GPRC5B: variants seen among roughly 807,000 people sequenced by gnomAD.
The protein encoded by GPRC5B is G protein-coupled receptor family C group 5 member B.
In GPRC5B, 16 loss-of-function variants were observed where a neutral mutation model predicts 30.1. The observed-to-expected ratio is 0.53, with a 90% confidence interval of 0.36 to 0.81. The LOEUF (loss-of-function observed/expected upper bound fraction) is 0.81. Among genes scored for constraint, GPRC5B ranks in the 30% least tolerant of loss-of-function variants. The pLI, the probability that GPRC5B is intolerant of heterozygous loss-of-function variation, is 0.01. For synonymous variants in GPRC5B, 241 were observed against 239.5 expected (o/e 1.01, Z -0.06); for missense variants, 428 against 544.7 (o/e 0.79, Z 2.13).
chr16:19,884,577 C>T (rs11649617), intron 1 of GPRC5B, 150 bp downstream of exon 1: 133,818 of 459,220 alleles, frequency 0.29, 21,218 homozygotes, highest in Non-Finnish European at 0.32. Context: ...GATTCCACAT[C>T]TCCCCCAGCA....
intron 1 of GPRC5B, among the ~76,000 whole-genome samples, chr16:19,884,508 C>G (rs2056835742): frequency 6.7e-6 from 1 of 148,344 alleles, no homozygotes; most frequent in South Asian, 2.2e-4. Flanking sequence ...CAGATCCTCC[C>G]CTCCCCCGCC....
In GPRC5B at chr16:19,872,277, C is replaced by G. The variant is rs139950795; in HGVS notation, c.569G>C (p.Arg190Thr). 1 of 1,613,894 alleles carries G rather than the reference C, an allele frequency of 6.2e-7. No individual in the cohort carries two copies. The highest frequency in any genetic ancestry group is 1.3e-5 in the African/African-American group (1 of 74,914). The change falls in exon 2 of 4, where the codon AGG becomes ACG. Residue 190 changes from arginine to threonine, a missense_variant. Arg to Thr is a moderately conservative substitution (Grantham distance 71). Coordinates refer to ENST00000300571, the MANE Select transcript of GPRC5B (RefSeq NM_016235.3). This position sits in a 1 kb window ranked among gnomAD's most constrained non-coding sequence, Gnocchi z 5.0. ...WLVLTVLRDT[R>T]PACAYEPMDF... is the part of the protein sequence containing the mutation. ...CATGGGCTCGTAGGCGCAGGCTGGC[C>G]TTGTGTCACGCAGCACGGTGAGCAC...
At chr16:19,873,957 A>G (rs1460544190) in intron 1 of GPRC5B, among the ~76,000 whole-genome samples, 2 of 151,828 alleles carry the variant, frequency 1.3e-5, no homozygotes, top group Admixed American at 1.3e-4. Context: ...ATTTTTTTGT[A>G]TTTCTAGTAG....
At chr16:19,878,020 G>A (rs1455254720) in intron 1 of GPRC5B, among the ~76,000 whole-genome samples, 1 of 151,980 alleles carries the variant, frequency 6.6e-6, no homozygotes, top group Non-Finnish European at 1.5e-5. Flanking sequence ...CCAACATGGT[G>A]AAACCCCGTT....
In GPRC5B at chr16:19,861,889, C is replaced by T. The variant is rs770444643; in HGVS notation, c.1115G>A (p.Arg372Lys). The T allele has an allele frequency of 1.4e-5, 23 of 1,613,646 alleles. No homozygotes were observed. The highest frequency in any genetic ancestry group is 1.7e-4 in the Middle Eastern group (1 of 5,934). Residue 372 changes from arginine to lysine, a missense_variant, in exon 3 of 4, where the codon AGA becomes AAA. Arg to Lys is a conservative substitution (Grantham distance 26). Around this residue, in one of 3 missense-constraint regions of GPRC5B, gnomAD observed 213 missense variants for 229.1 expected, o/e 0.93. Coordinates refer to ENST00000300571, the MANE Select transcript of GPRC5B (RefSeq NM_016235.3). ...SLGKRPSAPF[R>K]SNVYQPTEMA... is the part of the protein sequence containing the mutation. ...CTCAGTTGGCTGATACACGTTGCTT[C>T]TAAACGGAGCGCTGGGTCTTTTCCC...
intron 1 of GPRC5B, among the ~76,000 whole-genome samples, chr16:19,874,191 C>T (rs1266475144): frequency 6.6e-6 from 1 of 152,188 alleles, no homozygotes; most frequent in Non-Finnish European, 1.5e-5. Context: ...CCCTGGGAAA[C>T]CTGCAGAATT....
intron 1 of GPRC5B, among the ~76,000 whole-genome samples, chr16:19,873,126 G>A (rs2056736413): frequency 6.6e-6 from 1 of 152,064 alleles, no homozygotes; most frequent in African/African-American, 2.4e-5. Flanking sequence ...ATACCCTTTT[G>A]TATTCTTTGA....
At chr16:19,869,099 C>A (rs1224393366) in intron 2 of GPRC5B, among the ~76,000 whole-genome samples, 1 of 152,062 alleles carries the variant, frequency 6.6e-6, no homozygotes, top group Non-Finnish European at 1.5e-5. Flanking sequence ...GAGGCCAAGG[C>A]AGGCGGATCA....
At chr16:19,864,911 A>ATTT (rs1163249399) in intron 2 of GPRC5B, among the ~76,000 whole-genome samples, 8 of 126,048 alleles carry the variant, frequency 6.3e-5, no homozygotes, top group Non-Finnish European at 9.9e-5. Flanking sequence ...GCCCGGTCTC[A>ATTT]TTTTTTTTTT....
chr16:19,885,441 C>G (rs1393172659), upstream of GPRC5B: 7 of 1,138,380 alleles, frequency 6.1e-6, no homozygotes, highest in African/African-American at 3.3e-5. This position sits in a 1 kb window ranked among gnomAD's most constrained non-coding sequence, Gnocchi z 5.3. Context: ...ACACTCTTCT[C>G]TCTCCTCACT....
At chr16:19,865,746 T>C (rs1047907798) in intron 2 of GPRC5B, among the ~76,000 whole-genome samples, 6 of 152,102 alleles carry the variant, frequency 3.9e-5, no homozygotes, top group Non-Finnish European at 7.4e-5. Context: ...CAGCTGAAGA[T>C]TAAAAAAAGG....
upstream of GPRC5B, chr16:19,885,287 A>G (rs1249322579): frequency 7.8e-7 from 1 of 1,275,460 alleles, no homozygotes; most frequent in Non-Finnish European, 1.0e-6. The surrounding 1 kb of genome is among the most constrained non-coding windows in gnomAD (Gnocchi z 5.3). Flanking sequence ...CATAAGCAGT[A>G]ACTTCCCCGA....
In GPRC5B at chr16:19,884,848, C is replaced by A; in HGVS notation, c.-123G>T. On this transcript the variant is annotated 5_prime_UTR_variant, in exon 1 of 4. Coordinates refer to ENST00000300571, the MANE Select transcript of GPRC5B (RefSeq NM_016235.3). ...GCCTGCGGGTCCAGCTTCACTGCAG[C>A]GCCTGCCAGAGTCGCTGCCGCGCGA... 1.0e-6 allele frequency: 1 copy of A among 983,244 alleles called. No individual in the cohort carries two copies. The highest frequency in any genetic ancestry group is 1.2e-6 in the Non-Finnish European group (1 of 829,266). 60.9% of individuals were successfully genotyped at this position (983,244 alleles called of 1,614,324 possible).
At chr16:19,870,566 G>A (rs1375899607) in intron 2 of GPRC5B, among the ~76,000 whole-genome samples, 3 of 152,204 alleles carry the variant, frequency 2.0e-5, no homozygotes, top group South Asian at 2.1e-4. Flanking sequence ...AAATTTGAAC[G>A]CAGACATCTG....
chr16:19,860,402 C>A lies in GPRC5B; in HGVS notation c.*98G>T, dbSNP rs2056611318. ...CCAAATTTCCTGGCTGTGAGGCGGC[C>A]TGGTTCGGCAACTGTTACCGATTTC... On this transcript the variant is annotated 3_prime_UTR_variant, in exon 4 of 4. Coordinates refer to ENST00000300571, the MANE Select transcript of GPRC5B (RefSeq NM_016235.3). 6 of 759,584 alleles carry A rather than the reference C, an allele frequency of 7.9e-6. No homozygotes were observed. Among genetic ancestry groups the A allele is most frequent in the South Asian group, 1.6e-5 (1 of 62,976 alleles). 47.1% of individuals were successfully genotyped at this position (759,584 alleles called of 1,614,324 possible).
At chr16:19,880,991 G>A (rs1217504344) in intron 1 of GPRC5B, 1 of 152,216 alleles carries the variant, frequency 6.6e-6, no homozygotes, top group East Asian at 1.9e-4. Context: ...ATGGCGGTAG[G>A]CACTGGAACA....
intron 1 of GPRC5B, among the ~76,000 whole-genome samples, chr16:19,883,764 G>A (rs1294406356): frequency 1.3e-5 from 2 of 152,248 alleles, no homozygotes; most frequent in African/African-American, 2.4e-5. Context: ...CGGAAAGGGA[G>A]GACTGGCTAG....
At chr16:19,879,397 CT>C (rs2056785338) in intron 1 of GPRC5B, among the ~76,000 whole-genome samples, 1 of 151,798 alleles carries the variant, frequency 6.6e-6, no homozygotes, top group African/African-American at 2.4e-5. Context: ...CTTAAATATA[CT>C]GCATCTCTCT....
rs561556506 is a variant in GPRC5B at position 19,884,636 on chromosome 16, G to A, written c.-2+91C>T. The A allele has an allele frequency of 1.8e-4, 164 of 892,666 alleles. 1 individual carries two copies. The South Asian group carries it at 5.5e-3, about 30-fold the overall frequency. 55.3% of individuals were successfully genotyped at this position (892,666 alleles called of 1,614,324 possible). ...GGGGGCGCTTAGAAAAACACAAGAA[G>A]CGGACCCCCCAATTCTCCCAAATCC... is the stretch of plus-strand genomic sequence containing the variant. On this transcript the variant is annotated intron_variant, in intron 1 of 3. Transcript: ENST00000300571.
Sources: gnomAD v4.1 joint callset for allele counts (sites outside exome capture counted in the v4.1 genomes callset) on GRCh38, gnomAD v4.1.1 for gene constraint, gnomAD v4.1.1 regional missense constraint, Gnocchi (gnomAD v3.1) non-coding constraint, MANE v1.5 for transcripts, NCBI Gene and HGNC (gene_info 2026-07-23, HGNC 2026-07-21) for gene names.